Variants in FSTL5 observed in about 807,000 individuals in gnomAD.
The protein encoded by FSTL5 is follistatin like 5, also known as follistatin-related protein 5.
FSTL5 carries 62 observed loss-of-function variants against 89.1 expected under a neutral mutation model. That is an observed-to-expected ratio of 0.70 (90% confidence interval 0.57 to 0.86). The LOEUF (loss-of-function observed/expected upper bound fraction) is 0.86. Among genes scored for constraint, FSTL5 ranks in the 40% least tolerant of loss-of-function variants. FSTL5 has a pLI of 0.00. For synonymous variants in FSTL5, 383 were observed against 346.2 expected, an observed-to-expected ratio of 1.11 and a Z score of -1.18; for missense variants, 1,057 against 1,001.6, an observed-to-expected ratio of 1.06 and a Z score of -0.75.
At chr4:162,123,935 A>C (rs1731969599) in intron 1 of FSTL5, among the ~76,000 whole-genome samples, 1 of 152,158 alleles carries the variant, frequency 6.6e-6, no homozygotes. Flanking sequence ...TAACAGTAAA[A>C]AGTGCTTATT....
intron 3 of FSTL5, among the ~76,000 whole-genome samples, chr4:161,997,407 C>T (rs1183909230): frequency 6.6e-6 from 1 of 152,074 alleles, no homozygotes; most frequent in Non-Finnish European, 1.5e-5. Flanking sequence ...CTTAAAGAAC[C>T]TAGGTAATTT....
intron 3 of FSTL5, among the ~76,000 whole-genome samples, chr4:162,027,999 A>C (rs1737365231): frequency 6.6e-6 from 1 of 152,180 alleles, no homozygotes; most frequent in Non-Finnish European, 1.5e-5. Context: ...TTCTTTTACA[A>C]CACTTAATTA....
chr4:161,458,027 A>G (rs1463333882), intron 14 of FSTL5, among the ~76,000 whole-genome samples: 1 of 152,208 alleles, frequency 6.6e-6, no homozygotes, highest in Non-Finnish European at 1.5e-5. Flanking sequence ...GTAACATAAG[A>G]CCATTATGCT....
rs559014156 is a variant in FSTL5, at chr4:162,111,761, A to C, written c.-16-349T>G. On this transcript the variant is annotated intron_variant, in intron 1 of 15. Transcript: ENST00000306100. ...TTTTCTAATTATCGGTACAGAATAC[A>C]ATTATTAATATATAAATATTGAACT... Among the ~76,000 whole-genome samples, 11 of 152,226 alleles carry C rather than the reference A, an allele frequency of 7.2e-5. No individual in the cohort carries two copies. The South Asian group carries it at 2.3e-3, about 32-fold the overall frequency.
intron 8 of FSTL5, among the ~76,000 whole-genome samples, chr4:161,555,579 T>A (rs778822476): frequency 4.0e-5 from 6 of 151,554 alleles, no homozygotes; most frequent in Non-Finnish European, 8.9e-5. Flanking sequence ...TACAGTAACC[T>A]CCTCCTAAGC....
intron 15 of FSTL5, among the ~76,000 whole-genome samples, chr4:161,403,472 C>T (rs959413771): frequency 6.6e-6 from 1 of 152,160 alleles, no homozygotes; most frequent in Non-Finnish European, 1.5e-5. Flanking sequence ...TAGTTTCTTG[C>T]ATTTCCTTCC....
chr4:161,978,785 T>C (rs1735735751), intron 3 of FSTL5, among the ~76,000 whole-genome samples: 1 of 152,142 alleles, frequency 6.6e-6, no homozygotes, highest in South Asian at 2.1e-4. Context: ...TAGATTTGCC[T>C]ATTGTTATCT....
At chr4:161,975,255 A>G (rs1735600092) in intron 3 of FSTL5, among the ~76,000 whole-genome samples, 1 of 145,702 alleles carries the variant, frequency 6.9e-6, no homozygotes, top group South Asian at 2.2e-4. Flanking sequence ...ATTACTGGGT[A>G]TATACCCAAA....
At chr4:161,520,256 C>T (rs1156453391) in intron 10 of FSTL5, among the ~76,000 whole-genome samples, 3 of 151,582 alleles carry the variant, frequency 2.0e-5, no homozygotes, top group African/African-American at 7.3e-5. Flanking sequence ...GGCATTATTT[C>T]TAATAATTAT....
chr4:161,779,284 T>A (rs1176077616), intron 4 of FSTL5, among the ~76,000 whole-genome samples: 3 of 152,238 alleles, frequency 2.0e-5, no homozygotes, highest in South Asian at 2.1e-4. Context: ...CCAAAAAAAA[T>A]TGCAGTTAAG....
chr4:161,786,556 C>T (rs190324184), intron 4 of FSTL5, among the ~76,000 whole-genome samples: 187 of 152,186 alleles, frequency 1.2e-3, no homozygotes, highest in African/African-American at 4.2e-3. Context: ...CTTAATTCTT[C>T]CTAATTGTCC....
At chr4:161,622,597 G>A (rs1560983909) in intron 7 of FSTL5, among the ~76,000 whole-genome samples, 5 of 151,904 alleles carry the variant, frequency 3.3e-5, no homozygotes, top group Admixed American at 1.3e-4. Flanking sequence ...TACCATTGGG[G>A]TGAAAAGTTA....
intron 12 of FSTL5, among the ~76,000 whole-genome samples, chr4:161,487,842 G>T (rs1474655780): frequency 6.6e-6 from 1 of 152,002 alleles, no homozygotes; most frequent in Non-Finnish European, 1.5e-5. Context: ...TATTCTGAAT[G>T]AGGATTTATT....
intron 3 of FSTL5, among the ~76,000 whole-genome samples, chr4:162,026,359 A>T (rs557968360): frequency 9.8e-6 from 1 of 102,464 alleles, no homozygotes; most frequent in African/African-American, 3.8e-5. Context: ...CCCAAGCTGG[A>T]GTGCAGTGGT....
intron 6 of FSTL5, among the ~76,000 whole-genome samples, chr4:161,750,151 A>C (rs960340353): frequency 6.6e-6 from 1 of 152,220 alleles, no homozygotes; most frequent in African/African-American, 2.4e-5. Flanking sequence ...AAATATTAAT[A>C]CAAAGTTCAC....
At chr4:161,515,346 C>T (rs1306375103) in intron 10 of FSTL5, among the ~76,000 whole-genome samples, 2 of 151,736 alleles carry the variant, frequency 1.3e-5, no homozygotes, top group Non-Finnish European at 2.9e-5. Flanking sequence ...TACAGGCTCC[C>T]ACCACCACAC....
intron 7 of FSTL5, among the ~76,000 whole-genome samples, chr4:161,626,860 C>T (rs1333856948): frequency 6.6e-6 from 1 of 152,080 alleles, no homozygotes; most frequent in Non-Finnish European, 1.5e-5. Flanking sequence ...TCAAGAGTTA[C>T]AGATGTGATG....
chr4:161,823,942 T>C (rs765780832), intron 4 of FSTL5, among the ~76,000 whole-genome samples: 2 of 152,226 alleles, frequency 1.3e-5, no homozygotes, highest in Non-Finnish European at 2.9e-5. Flanking sequence ...ATTACAAAGA[T>C]TTTTTCCCAC....
At chr4:161,406,277 A>AT (rs1357781193) in intron 15 of FSTL5, among the ~76,000 whole-genome samples, 1 of 152,008 alleles carries the variant, frequency 6.6e-6, no homozygotes, top group Non-Finnish European at 1.5e-5. Context: ...TCTTTGAGTC[A>AT]TTTTTTACTT....
Sources: allele counts gnomAD v4.1 joint callset (sites outside exome capture counted in the v4.1 genomes callset), GRCh38; gene constraint gnomAD v4.1.1; transcripts MANE v1.5; gene names NCBI Gene and HGNC (gene_info 2026-07-23, HGNC 2026-07-21).